Variants in MBOAT2 observed in about 807,000 individuals in gnomAD.
The protein encoded by MBOAT2 is membrane bound glycerophospholipid O-acyltransferase 2, also known as membrane-bound glycerophospholipid O-acyltransferase 2.
In MBOAT2, 28 loss-of-function variants were observed where a neutral mutation model predicts 63.4. The observed-to-expected ratio is 0.44, with a 90% CI of 0.33 to 0.61. The LOEUF is 0.61. Among genes scored for constraint, MBOAT2 ranks in the 20% least tolerant of loss-of-function variants. The pLI is 0.03. For missense variants in MBOAT2, 470 were observed against 605.8 expected (o/e 0.78, Z 2.35); for synonymous variants, 211 against 215.6 (o/e 0.98, Z 0.19).
intron 1 of MBOAT2, among the ~76,000 whole-genome samples, chr2:8,981,486 G>A (rs1201865411): frequency 6.6e-6 from 1 of 152,178 alleles, no homozygotes; most frequent in Non-Finnish European, 1.5e-5. Context: ...TCCTGTCACA[G>A]CCACAGGCCC....
chr2:8,944,266 T>A (rs1668255362), intron 2 of MBOAT2, among the ~76,000 whole-genome samples: 1 of 152,232 alleles, frequency 6.6e-6, no homozygotes, highest in African/African-American at 2.4e-5. Context: ...TTAGGATGTC[T>A]GTGACTAAAA....
chr2:8,899,245 T>C (rs1248557281), intron 4 of MBOAT2, among the ~76,000 whole-genome samples: 1 of 152,174 alleles, frequency 6.6e-6, no homozygotes, highest in Non-Finnish European at 1.5e-5. Flanking sequence ...AGCTCCAGCT[T>C]TGGCTAATAT....
intron 9 of MBOAT2, among the ~76,000 whole-genome samples, chr2:8,866,710 C>A (rs1244024372): frequency 6.6e-6 from 1 of 152,226 alleles, no homozygotes; most frequent in South Asian, 2.1e-4. Context: ...TCATACAGTG[C>A]ATTTGGCCAA....
chr2:8,860,185 C>T lies in MBOAT2; in HGVS notation c.1337+428G>A, dbSNP rs146108570. On this transcript the variant is annotated intron_variant, in intron 12 of 12. Transcript: ENST00000305997. ...CAGCCTGGGCGACAGAGCAAGATTC[C>T]GTCTCAAAAAAAAAAAGATAATTAA... 6.9e-3 allele frequency among the ~76,000 whole-genome samples: 1,038 copies of T among 151,302 alleles called. 12 individuals carry two copies. The highest frequency in any genetic ancestry group is 0.024 in the African/African-American group (972 of 41,200).
chr2:8,892,627 C>T (rs1202305183), intron 4 of MBOAT2, among the ~76,000 whole-genome samples: 2 of 152,120 alleles, frequency 1.3e-5, no homozygotes, highest in Non-Finnish European at 2.9e-5. Flanking sequence ...GTAAAAGACA[C>T]AGTGTGTCAG....
intron 2 of MBOAT2, among the ~76,000 whole-genome samples, chr2:8,949,919 C>T (rs1304196394): frequency 6.6e-6 from 1 of 152,094 alleles, no homozygotes; most frequent in African/African-American, 2.4e-5. Flanking sequence ...GCAGTATGGC[C>T]ATTTTAGTGG....
chr2:8,984,373 C>T (rs533100142), intron 1 of MBOAT2, among the ~76,000 whole-genome samples: 2 of 152,198 alleles, frequency 1.3e-5, no homozygotes, highest in African/African-American at 2.4e-5. Context: ...AAGATGGTTA[C>T]GATGGCAAAT....
chr2:8,957,418 T>C (rs557714519), intron 2 of MBOAT2, among the ~76,000 whole-genome samples: 3 of 152,336 alleles, frequency 2.0e-5, no homozygotes, highest in South Asian at 4.1e-4. Context: ...ACCAGGGCAG[T>C]ACCTAGCACA....
chr2:8,983,085 T>C (rs1671313316), intron 1 of MBOAT2, among the ~76,000 whole-genome samples: 1 of 152,032 alleles, frequency 6.6e-6, no homozygotes, highest in South Asian at 2.1e-4. Context: ...GCCACAGACT[T>C]TACAGGTCAC....
intron 4 of MBOAT2, among the ~76,000 whole-genome samples, chr2:8,901,771 C>T (rs1664944920): frequency 6.6e-6 from 1 of 152,024 alleles, no homozygotes; most frequent in Non-Finnish European, 1.5e-5. Context: ...GCCCGGGTGC[C>T]TAAAGAAGGT....
chr2:8,996,348 TGACAACA>T (rs149025289), intron 1 of MBOAT2, among the ~76,000 whole-genome samples: 5,216 of 152,230 alleles, frequency 0.034, 197 homozygotes, highest in East Asian at 0.17. Context: ...TAAAGGAGTC[TGACAACA>T]GGTTTTTTAT....
At position 8,858,573 on chromosome 2, in the gene MBOAT2, C is replaced by A. The variant is rs959240884; in HGVS notation, c.*106G>T. 9.0e-6 allele frequency: 7 copies of A among 780,336 alleles called. No homozygotes were observed. Among genetic ancestry groups the A allele is most frequent in the East Asian group, 2.5e-5 (1 of 39,274 alleles). 48.3% of individuals were successfully genotyped at this position (780,336 alleles called of 1,614,324 possible). A position where few individuals can be genotyped will look rare whatever the true frequency, so the allele number is the denominator to read the frequency against. On this transcript the variant is annotated 3_prime_UTR_variant, in exon 13 of 13. Transcript: ENST00000305997. The stretch of plus-strand genomic sequence containing the variant: ...ATTCCTTATCTATAACTGTCCATTT[C>A]CCCCCAGTTAACTGCTTTTCCAACA...
At chr2:8,876,463 G>A (rs1006979756) in intron 7 of MBOAT2, among the ~76,000 whole-genome samples, 1 of 152,234 alleles carries the variant, frequency 6.6e-6, no homozygotes, top group African/African-American at 2.4e-5. Flanking sequence ...CACTGTCAAA[G>A]TGTTAGCTAT....
At chr2:8,962,229 G>A (rs750885662) in intron 1 of MBOAT2, among the ~76,000 whole-genome samples, 4 of 152,106 alleles carry the variant, frequency 2.6e-5, no homozygotes, top group Non-Finnish European at 5.9e-5. Context: ...TTTAACTAGT[G>A]TAACTCGTTA....
chr2:8,943,328 A>C, intron 2 of MBOAT2, 64 bp from the exon 3 acceptor site: 2 of 1,000,084 alleles, frequency 2.0e-6, no homozygotes, highest in Non-Finnish European at 3.0e-6. Context: ...GCTGAAGTGA[A>C]TTAAGCTAAA....
intron 12 of MBOAT2, among the ~76,000 whole-genome samples, chr2:8,859,650 C>T (rs750354640): frequency 3.3e-5 from 5 of 151,964 alleles, no homozygotes; most frequent in East Asian, 3.9e-4. Context: ...AATTTTTTTA[C>T]GACTCTGTGC....
chr2:8,883,078 C>T (rs1472103762), intron 5 of MBOAT2, among the ~76,000 whole-genome samples: 1 of 152,034 alleles, frequency 6.6e-6, no homozygotes, highest in Non-Finnish European at 1.5e-5. Context: ...TAAGATTACA[C>T]ATCAATTTAC....
At chr2:8,977,667 T>C (rs1285615480) in intron 1 of MBOAT2, among the ~76,000 whole-genome samples, 1 of 152,158 alleles carries the variant, frequency 6.6e-6, no homozygotes, top group African/African-American at 2.4e-5. Context: ...ATTTTAGTCT[T>C]GACCTCTCTG....
chr2:8,912,548 C>G (rs1665871744), intron 3 of MBOAT2, among the ~76,000 whole-genome samples: 1 of 152,114 alleles, frequency 6.6e-6, no homozygotes, highest in South Asian at 2.1e-4. Context: ...TATACACCAA[C>G]AGCAACAAAG....
Sources: gnomAD v4.1 joint callset for allele counts (sites outside exome capture counted in the v4.1 genomes callset) on GRCh38, gnomAD v4.1.1 for gene constraint, MANE v1.5 for transcripts, NCBI Gene and HGNC (gene_info 2026-07-23, HGNC 2026-07-21) for gene names.